EPHA3: variants seen among roughly 807,000 people sequenced by gnomAD.
The protein encoded by EPHA3 is ephrin type-A receptor 3.
A neutral mutation model predicts 107.1 loss-of-function variants in EPHA3; 42 were observed. The observed-to-expected ratio is 0.39, with a 90% CI of 0.31 to 0.51. The LOEUF (loss-of-function observed/expected upper bound fraction) is 0.51, where lower values mean the gene tolerates loss of function less well. Ranked by LOEUF, EPHA3 falls within the 20% of genes least tolerant of loss-of-function variation. The probability of loss-of-function intolerance (pLI) is 0.78; values close to 1 mark genes in which losing one functional copy is unlikely to be tolerated. For synonymous variants in EPHA3, 461 were observed against 424.8 expected (o/e 1.09, Z -1.05); for missense variants, 1,183 against 1,211.2 (o/e 0.98, Z 0.35).
chr3:89,317,423 G>A (rs570405643), intron 3 of EPHA3, among the ~76,000 whole-genome samples: 1 of 151,780 alleles, frequency 6.6e-6, no homozygotes, highest in African/African-American at 2.4e-5. Context: ...CTGGCAAATG[G>A]GGGTGGAGAG....
rs1262966337 is a variant in EPHA3 at position 89,203,881 on chromosome 3, G to A, written c.154-5979G>A. ...CTTCAGGTCTTCTCTCAGTCTAGGG[G>A]TATTAAGGAACTAGAAGACAGAGAA... On this transcript the variant is annotated intron_variant, in intron 2 of 16. Transcript: ENST00000336596. Among the ~76,000 whole-genome samples, 12 of 152,252 alleles carry A rather than the reference G, an allele frequency of 7.9e-5. No homozygotes were observed. In the East Asian group the frequency reaches 2.3e-3, roughly 29 times the overall value.
intron 3 of EPHA3, among the ~76,000 whole-genome samples, chr3:89,316,927 T>C (rs1706922345): frequency 1.3e-5 from 2 of 151,666 alleles, no homozygotes; most frequent in African/African-American, 4.8e-5. Flanking sequence ...GTACTCAGTA[T>C]AAATATATGA....
chr3:89,391,641 G>T (rs1253195945), intron 5 of EPHA3, among the ~76,000 whole-genome samples: 1 of 151,234 alleles, frequency 6.6e-6, no homozygotes, highest in Non-Finnish European at 1.5e-5. Context: ...CACCGTGTTA[G>T]CCAGGATGGT....
At chr3:89,349,794 T>C (rs1429713214) in intron 5 of EPHA3, among the ~76,000 whole-genome samples, 8 of 150,082 alleles carry the variant, frequency 5.3e-5, no homozygotes, top group African/African-American at 2.0e-4. Flanking sequence ...CTTCAGGAGC[T>C]CTTTTAGGGC....
chr3:89,321,516 T>C (rs986173503), intron 3 of EPHA3, among the ~76,000 whole-genome samples: 7 of 152,134 alleles, frequency 4.6e-5, no homozygotes, highest in African/African-American at 1.7e-4. Flanking sequence ...AAATGTCTGC[T>C]ATTCCTTTAG....
At chr3:89,200,796 T>C (rs1321834215) in intron 2 of EPHA3, among the ~76,000 whole-genome samples, 6 of 152,164 alleles carry the variant, frequency 3.9e-5, no homozygotes, top group African/African-American at 1.2e-4. Flanking sequence ...GTACTCTGTT[T>C]TTCTCCCATA....
At chr3:89,325,977 G>T (rs1347511698) in intron 3 of EPHA3, among the ~76,000 whole-genome samples, 2 of 150,398 alleles carry the variant, frequency 1.3e-5, no homozygotes, top group Non-Finnish European at 3.0e-5. Context: ...TATAACCAAA[G>T]ATTATATTAA....
intron 2 of EPHA3, among the ~76,000 whole-genome samples, chr3:89,157,505 T>A (rs1704832931): frequency 6.6e-6 from 1 of 151,974 alleles, no homozygotes; most frequent in African/African-American, 2.4e-5. Context: ...ATATCATATT[T>A]CTTTTAGGTG....
intron 1 of EPHA3, among the ~76,000 whole-genome samples, chr3:89,109,346 T>C (rs1249595394): frequency 1.3e-5 from 2 of 152,090 alleles, no homozygotes; most frequent in African/African-American, 4.8e-5. Flanking sequence ...GTAACATGTA[T>C]AATAGGTAAC....
chr3:89,208,477 A>AAAGAAG (rs1706178903), intron 2 of EPHA3, among the ~76,000 whole-genome samples: 1 of 133,286 alleles, frequency 7.5e-6, no homozygotes, highest in African/African-American at 2.9e-5. Flanking sequence ...AAAGAAAGAA[A>AAAGAAG]GAAAGAGAAA....
intron 3 of EPHA3, among the ~76,000 whole-genome samples, chr3:89,219,688 G>GTGGTTTT: frequency 2.9e-5 from 1 of 34,440 alleles, no homozygotes; most frequent in Non-Finnish European, 5.2e-5. Context: ...ATTTGGCAAT[G>GTGGTTTT]TTTTTTTTTT....
At chr3:89,175,282 G>T (rs1342036803) in intron 2 of EPHA3, among the ~76,000 whole-genome samples, 1 of 151,948 alleles carries the variant, frequency 6.6e-6, no homozygotes, top group Non-Finnish European at 1.5e-5. Context: ...AGTATAATTT[G>T]CTCCGGGAAA....
At chr3:89,276,438 C>A (rs541634968) in intron 3 of EPHA3, among the ~76,000 whole-genome samples, 1 of 152,084 alleles carries the variant, frequency 6.6e-6, no homozygotes, top group Admixed American at 6.6e-5. Context: ...TAAATGGATG[C>A]CTGACTGTGA....
At chr3:89,149,728 G>T (rs1704649632) in intron 2 of EPHA3, among the ~76,000 whole-genome samples, 1 of 147,710 alleles carries the variant, frequency 6.8e-6, no homozygotes, top group Admixed American at 7.0e-5. Context: ...AATTCCTGTG[G>T]AAAATATGAG....
intron 1 of EPHA3, 128 bp from the exon 2 acceptor site, chr3:89,127,081 G>A: frequency 2.9e-6 from 2 of 683,320 alleles, no homozygotes; most frequent in Non-Finnish European, 5.1e-6. Flanking sequence ...CCTAATTATA[G>A]ACTTATAATG....
chr3:89,281,106 C>T (rs1258984445), intron 3 of EPHA3, among the ~76,000 whole-genome samples: 1 of 151,956 alleles, frequency 6.6e-6, no homozygotes, highest in Non-Finnish European at 1.5e-5. Flanking sequence ...TCAGTGCAAC[C>T]TCTGCCTCCC....
intron 3 of EPHA3, among the ~76,000 whole-genome samples, chr3:89,315,129 T>C (rs535875931): frequency 6.6e-6 from 1 of 152,004 alleles, no homozygotes; most frequent in African/African-American, 2.4e-5. Context: ...ACGCTGTCCA[T>C]CATTGACTGA....
At chr3:89,355,854 T>A (rs1477113525) in intron 5 of EPHA3, among the ~76,000 whole-genome samples, 1 of 149,958 alleles carries the variant, frequency 6.7e-6, no homozygotes, top group Non-Finnish European at 1.5e-5. Context: ...TTATTATACT[T>A]TAAGTTTTAG....
intron 3 of EPHA3, among the ~76,000 whole-genome samples, chr3:89,338,673 C>T (rs1012765516): frequency 1.3e-5 from 2 of 152,172 alleles, no homozygotes; most frequent in African/African-American, 2.4e-5. Flanking sequence ...CTCAGCCTCC[C>T]GAGTAGCTGG....
Sources: gnomAD v4.1 joint callset for allele counts (sites outside exome capture counted in the v4.1 genomes callset) on GRCh38, gnomAD v4.1.1 for gene constraint, MANE v1.5 for transcripts, NCBI Gene and HGNC (gene_info 2026-07-23, HGNC 2026-07-21) for gene names.